Variants in MINDY4 observed in about 807,000 individuals in gnomAD.
MINDY4 encodes MINDY lysine 48 deubiquitinase 4, also known as probable ubiquitin carboxyl-terminal hydrolase MINDY-4.
In MINDY4, 68 loss-of-function variants were observed where a neutral mutation model predicts 87.0. The ratio of observed to expected loss-of-function variants is 0.78; its 90% CI spans 0.64 to 0.96. The LOEUF is 0.96. Among genes scored for constraint, MINDY4 ranks in the 40% least tolerant of loss-of-function variants. MINDY4 has a pLI of 0.00. For missense variants in MINDY4, 919 were observed against 928.2 expected, an observed-to-expected ratio of 0.99 and a Z score of 0.13; for synonymous variants, 379 against 363.2, an observed-to-expected ratio of 1.04 and a Z score of -0.50.
At chr7:30,794,400 C>T (rs76678602) in intron 5 of MINDY4, among the ~76,000 whole-genome samples, 1,761 of 152,242 alleles carry the variant, frequency 0.012, 41 homozygotes, top group African/African-American at 0.04. Flanking sequence ...CCAGCTCCAC[C>T]GCTCTGTCCT....
chr7:30,880,353 G>T (rs1417999676), intron 15 of MINDY4, among the ~76,000 whole-genome samples: 1 of 116,490 alleles, frequency 8.6e-6, no homozygotes, highest in Non-Finnish European at 1.6e-5. Context: ...GGTTACCCAA[G>T]AATTTAAAGG....
chr7:30,892,330 G>T lies in MINDY4; in HGVS notation c.*325G>T. On this transcript the variant is annotated 3_prime_UTR_variant, in exon 18 of 18. Coordinates refer to ENST00000265299, the MANE Select transcript of MINDY4 (RefSeq NM_032222.3). ...CCTCACCCAGGCCTCCAATGTGGTT[G>T]GCCCTGGGGACTCATTACTTCTGGT... 2.8e-6 allele frequency: 1 copy of T among 351,774 alleles called. No individual in the cohort carries two copies. Among genetic ancestry groups the T allele is most frequent in the East Asian group, 5.2e-5 (1 of 19,124 alleles). The allele number at this position is 351,774 out of a possible 1,614,324, so 21.8% of individuals were successfully genotyped here.
chr7:30,860,516 C>T (rs1315745830), intron 13 of MINDY4, among the ~76,000 whole-genome samples: 1 of 152,170 alleles, frequency 6.6e-6, no homozygotes, highest in Non-Finnish European at 1.5e-5. Flanking sequence ...CCTGGTTTGG[C>T]TCATTTCTGG....
chr7:30,870,833 A>T (rs748133991), intron 13 of MINDY4, among the ~76,000 whole-genome samples: 1 of 152,198 alleles, frequency 6.6e-6, no homozygotes, highest in Non-Finnish European at 1.5e-5. Context: ...TCTAAATGTT[A>T]TACCTGGCCT....
At chr7:30,890,399 G>A (rs1415856016) in intron 17 of MINDY4, among the ~76,000 whole-genome samples, 1 of 152,246 alleles carries the variant, frequency 6.6e-6, no homozygotes, top group East Asian at 1.9e-4. Flanking sequence ...GCTAGGAGGA[G>A]AATGCAATAT....
intron 5 of MINDY4, among the ~76,000 whole-genome samples, chr7:30,796,344 A>G (rs1787489132): frequency 6.6e-6 from 1 of 152,288 alleles, no homozygotes; most frequent in South Asian, 2.1e-4. Flanking sequence ...GAGGATGTCT[A>G]GCTTTGGGGC....
intron 10 of MINDY4, among the ~76,000 whole-genome samples, chr7:30,851,871 G>A (rs531378095): frequency 2.4e-4 from 37 of 152,232 alleles, no homozygotes; most frequent in Non-Finnish European, 2.5e-4. Flanking sequence ...AAAACAAAGG[G>A]CAAGTCAGCA....
At chr7:30,811,813 C>G (rs1788008948) in intron 5 of MINDY4, among the ~76,000 whole-genome samples, 1 of 152,190 alleles carries the variant, frequency 6.6e-6, no homozygotes, top group South Asian at 2.1e-4. Context: ...TCACGACCCT[C>G]TCATGCGGAC....
At chr7:30,889,713 T>G (rs1041382441) in intron 17 of MINDY4, among the ~76,000 whole-genome samples, 1 of 152,168 alleles carries the variant, frequency 6.6e-6, no homozygotes, top group African/African-American at 2.4e-5. Context: ...ATAGAAGCAC[T>G]TAATTCTTCC....
At chr7:30,771,833 T>C (rs1786646564) in intron 1 of MINDY4, among the ~76,000 whole-genome samples, 2 of 152,114 alleles carry the variant, frequency 1.3e-5, no homozygotes, top group Non-Finnish European at 2.9e-5. Context: ...CGGCGGCAGC[T>C]GGGGAGGGGG....
rs1790808149 is a variant in MINDY4 at position 30,892,028 on chromosome 7, G to A, written c.*23G>A. 1 of 1,613,782 alleles carries A rather than the reference G, an allele frequency of 6.2e-7. No homozygotes were observed. Among genetic ancestry groups the A allele is most frequent in the African/African-American group, 1.3e-5 (1 of 75,028 alleles). On this transcript the variant is annotated 3_prime_UTR_variant, in exon 18 of 18. Coordinates refer to ENST00000265299, the MANE Select transcript of MINDY4 (RefSeq NM_032222.3). The stretch of plus-strand genomic sequence containing the variant: ...TGACCGTTGGATGTGGGTAAACCCT[G>A]TGGTCCACCACTCATCACCTCATCA...
At chr7:30,889,112 C>T (rs1246110097) in intron 17 of MINDY4, among the ~76,000 whole-genome samples, 1 of 152,202 alleles carries the variant, frequency 6.6e-6, no homozygotes. Flanking sequence ...CTCCCTTCTG[C>T]CACCCTCTGG....
At chr7:30,869,901 G>A (rs1790049805) in intron 13 of MINDY4, among the ~76,000 whole-genome samples, 2 of 152,160 alleles carry the variant, frequency 1.3e-5, no homozygotes, top group Admixed American at 1.3e-4. Flanking sequence ...CAGTGCTGAG[G>A]CTGTTGTTCC....
At chr7:30,785,202 C>G (rs555740687) in intron 3 of MINDY4, among the ~76,000 whole-genome samples, 5 of 151,946 alleles carry the variant, frequency 3.3e-5, no homozygotes, top group African/African-American at 1.2e-4. Flanking sequence ...CACCCTCTTA[C>G]ACTCCGCTCA....
rs192078132 is a variant in MINDY4 at position 30,875,437 on chromosome 7, C to T, written c.1810-58C>T. 2.3e-3 allele frequency: 3,699 copies of T among 1,587,092 alleles called. 16 individuals are homozygous for T. Among genetic ancestry groups the T allele is most frequent in the Non-Finnish European group, 2.1e-3 (2,428 of 1,156,654 alleles). On this transcript the variant is annotated intron_variant, in intron 14 of 17. Coordinates refer to ENST00000265299, the MANE Select transcript of MINDY4 (RefSeq NM_032222.3). Reference sequence around the variant, plus strand: ...TTTTGTCTTTCCCCAGTCTCCTCTCCACTCTTTCAGTAACTGATTCAGACT... The same window carrying T: ...TTTTGTCTTTCCCCAGTCTCCTCTCTACTCTTTCAGTAACTGATTCAGACT...
rs55855534 is a variant in MINDY4 at position 30,890,564 on chromosome 7, A to G, written c.2226-1393A>G. 5.0e-3 allele frequency among the ~76,000 whole-genome samples: 764 copies of G among 152,350 alleles called. 6 individuals carry two copies. Among genetic ancestry groups the G allele is most frequent in the African/African-American group, 0.018 (737 of 41,568 alleles). On this transcript the variant is annotated intron_variant, in intron 17 of 17. Coordinates refer to ENST00000265299, the MANE Select transcript of MINDY4 (RefSeq NM_032222.3). ...GAAATGGAATGGTGTAAAGTATTCA[A>G]AATATGCAAGGGGAAAATTTAGTCT...
At chr7:30,869,160 C>A (rs1790027057) in intron 13 of MINDY4, among the ~76,000 whole-genome samples, 1 of 152,298 alleles carries the variant, frequency 6.6e-6, no homozygotes, top group Admixed American at 6.5e-5. Flanking sequence ...GGTCATCCAG[C>A]CCCCAGGAGG....
intron 5 of MINDY4, among the ~76,000 whole-genome samples, chr7:30,797,898 A>G (rs1787539338): frequency 6.6e-6 from 1 of 152,160 alleles, no homozygotes; most frequent in African/African-American, 2.4e-5. Context: ...ATATGGGTGT[A>G]TACATACATA....
intron 1 of MINDY4, among the ~76,000 whole-genome samples, chr7:30,772,335 C>T (rs1357115735): frequency 6.6e-6 from 1 of 152,058 alleles, no homozygotes; most frequent in East Asian, 1.9e-4. Context: ...AACACATACA[C>T]GTAATTTTTT....
Sources: allele counts gnomAD v4.1 joint callset (sites outside exome capture counted in the v4.1 genomes callset), GRCh38; gene constraint gnomAD v4.1.1; transcripts MANE v1.5; gene names NCBI Gene and HGNC (gene_info 2026-07-23, HGNC 2026-07-21).